SNCAIP: variants seen among roughly 807,000 people sequenced by gnomAD.
The protein encoded by SNCAIP is synuclein alpha interacting protein.
Under a neutral mutation model 86.7 loss-of-function variants are expected in SNCAIP, and 43 were observed. That is an observed-to-expected ratio of 0.50 (90% confidence interval 0.39 to 0.64). The LOEUF (loss-of-function observed/expected upper bound fraction) is 0.64, where lower values mean the gene tolerates loss of function less well. SNCAIP is among the 30% of genes least tolerant of loss of function. The pLI is 0.00. For missense variants in SNCAIP, 981 were observed against 1,103.1 expected (o/e 0.89, Z 1.57); for synonymous variants, 417 against 427.2 (o/e 0.98, Z 0.29).
rs141757714 is a variant in SNCAIP, at chr5:122,411,403, AT to A, written c.130+7541del. Among the ~76,000 whole-genome samples, 26 of 152,196 alleles carry A rather than the reference AT, an allele frequency of 1.7e-4. No individual in the cohort carries two copies. The East Asian group carries it at 5.0e-3, about 29-fold the overall frequency. The stretch of plus-strand genomic sequence containing the variant: ...AAAGTATGAGTGTGTGTTGAGGGAC[AT>A]TTCTAGTTTAGGAGCTTCTGTTATA... On this transcript the variant is annotated intron_variant, in intron 3 of 10. Transcript: ENST00000261368.
chr5:122,430,661 G>A (rs920637955), intron 5 of SNCAIP, among the ~76,000 whole-genome samples: 70 of 152,206 alleles, frequency 4.6e-4, no homozygotes, highest in African/African-American at 1.4e-3. Flanking sequence ...CTACAGACAT[G>A]TATGGACTAT....
intron 1 of SNCAIP, among the ~76,000 whole-genome samples, chr5:122,334,834 T>G (rs1449322373): frequency 6.6e-6 from 1 of 152,238 alleles, no homozygotes; most frequent in East Asian, 1.9e-4. Context: ...AACCACTGAT[T>G]TTGGATAAGT....
Position 122,450,950 on chromosome 5 carries a change from G to T in SNCAIP, c.2103G>T (p.Pro701=), listed in dbSNP as rs561046705. The part of the protein sequence containing the change: ...TPVRKADRPR[P]QPIVESVESM... Reference sequence around the variant, plus strand: ...TGAGGAAGGCTGACCGACCAAGGCCGCAGCCCATTGTAGAAAGCGTAGAGA... The same window carrying T: ...TGAGGAAGGCTGACCGACCAAGGCCTCAGCCCATTGTAGAAAGCGTAGAGA... Residue 701 remains proline (P), a synonymous_variant, in exon 10 of 11, where the codon CCG becomes CCT. Coordinates refer to ENST00000261368, the MANE Select transcript of SNCAIP (RefSeq NM_005460.4). 1.1e-5 allele frequency: 17 copies of T among 1,614,096 alleles called. No individual in the cohort carries two copies. Among genetic ancestry groups the T allele is most frequent in the Non-Finnish European group, 1.4e-5 (17 of 1,180,016 alleles).
intron 8 of SNCAIP, among the ~76,000 whole-genome samples, chr5:122,447,868 A>T (rs561661449): frequency 4.5e-4 from 68 of 152,230 alleles, no homozygotes; most frequent in Non-Finnish European, 8.4e-4. Context: ...CACAGCCTAA[A>T]ATATTTACTA....
At chr5:122,425,556 C>G (rs773403061) in intron 5 of SNCAIP, 25 bp downstream of exon 5, 113 of 1,592,554 alleles carry the variant, frequency 7.1e-5, no homozygotes, top group Admixed American at 3.3e-5. Context: ...GCTGGAACCT[C>G]CACAGCTAGA....
intron 1 of SNCAIP, among the ~76,000 whole-genome samples, chr5:122,320,917 A>G (rs1048180195): frequency 2.6e-5 from 4 of 152,194 alleles, no homozygotes; most frequent in African/African-American, 4.8e-5. Context: ...AGCACAACTC[A>G]GAAAGCAAAT....
chr5:122,408,422 C>A (rs971063739), intron 3 of SNCAIP, among the ~76,000 whole-genome samples: 5 of 152,124 alleles, frequency 3.3e-5, no homozygotes, highest in African/African-American at 1.2e-4. Context: ...TAGTGGTGGG[C>A]TCCAAGAATG....
intron 3 of SNCAIP, among the ~76,000 whole-genome samples, chr5:122,420,010 C>G (rs1561720412): frequency 6.6e-6 from 1 of 152,090 alleles, no homozygotes; most frequent in Non-Finnish European, 1.5e-5. Context: ...TATGATATAG[C>G]AATACATTGG....
chr5:122,332,596 CTAGAG>C (rs1419169372), intron 1 of SNCAIP, among the ~76,000 whole-genome samples: 1 of 152,192 alleles, frequency 6.6e-6, no homozygotes, highest in Admixed American at 6.5e-5. Flanking sequence ...ATGACAAGAC[CTAGAG>C]CTGTAGCTAA....
In SNCAIP at chr5:122,420,298, C is replaced by T. The variant is rs561008515; in HGVS notation, c.131-2570C>T. Among the ~76,000 whole-genome samples, 3 of 152,312 alleles carry T rather than the reference C, an allele frequency of 2.0e-5. No homozygotes were observed. In the South Asian group the frequency reaches 6.2e-4, roughly 32 times the overall value. On this transcript the variant is annotated intron_variant, in intron 3 of 10. Coordinates refer to ENST00000261368, the MANE Select transcript of SNCAIP (RefSeq NM_005460.4). Reference sequence around the variant, plus strand: ...CTGTCAGAACAAAACAGCTGGGAAACATATGGTATCCATTTCCCTGTATCA... The same window carrying T: ...CTGTCAGAACAAAACAGCTGGGAAATATATGGTATCCATTTCCCTGTATCA...
At chr5:122,329,402 A>G (rs1436712325) in intron 1 of SNCAIP, among the ~76,000 whole-genome samples, 2 of 152,216 alleles carry the variant, frequency 1.3e-5, no homozygotes, top group African/African-American at 4.8e-5. Flanking sequence ...GTGTCTCCCA[A>G]TATCGAAACA....
intron 1 of SNCAIP, among the ~76,000 whole-genome samples, chr5:122,377,090 C>G (rs996688239): frequency 1.3e-5 from 2 of 152,138 alleles, no homozygotes; most frequent in Non-Finnish European, 1.5e-5. Context: ...GATATGTCCT[C>G]CAAGATTTAC....
chr5:122,374,073 T>G (rs947022973), intron 1 of SNCAIP, among the ~76,000 whole-genome samples: 1 of 152,152 alleles, frequency 6.6e-6, no homozygotes, highest in Admixed American at 6.6e-5. Context: ...ATGGGAAAAT[T>G]TTTTTCGTTC....
chr5:122,442,107 G>C (rs1415566747), intron 7 of SNCAIP, among the ~76,000 whole-genome samples: 1 of 120,914 alleles, frequency 8.3e-6, no homozygotes, highest in African/African-American at 3.1e-5. Context: ...TAAGAAAGCA[G>C]TACTCTTTTT....
chr5:122,322,884 T>C (rs1753258952), intron 1 of SNCAIP, among the ~76,000 whole-genome samples: 1 of 152,230 alleles, frequency 6.6e-6, no homozygotes, highest in East Asian at 1.9e-4. Flanking sequence ...GGAATGCTGC[T>C]TTCATTTGGG....
chr5:122,413,709 T>C (rs926165180), intron 3 of SNCAIP, among the ~76,000 whole-genome samples: 1 of 152,016 alleles, frequency 6.6e-6, no homozygotes, highest in African/African-American at 2.4e-5. Context: ...CTGACCATGC[T>C]TTGTATTCCT....
At chr5:122,434,985 C>A (rs1217101397) in intron 6 of SNCAIP, among the ~76,000 whole-genome samples, 1 of 152,110 alleles carries the variant, frequency 6.6e-6, no homozygotes, top group Non-Finnish European at 1.5e-5. Flanking sequence ...ATATAGATTC[C>A]TAAAGAATGG....
At chr5:122,402,557 T>G (rs1292735100) in intron 2 of SNCAIP, among the ~76,000 whole-genome samples, 1 of 151,928 alleles carries the variant, frequency 6.6e-6, no homozygotes, top group African/African-American at 2.4e-5. Flanking sequence ...GTTTGTGACA[T>G]GCGGTTGGCA....
chr5:122,365,047 C>A (rs1229566602), intron 1 of SNCAIP, among the ~76,000 whole-genome samples: 5 of 152,134 alleles, frequency 3.3e-5, no homozygotes, highest in Non-Finnish European at 5.9e-5. Context: ...AAAGAATCTG[C>A]CATCTGTATT....
Sources: allele counts gnomAD v4.1 joint callset (sites outside exome capture counted in the v4.1 genomes callset), GRCh38; gene constraint gnomAD v4.1.1; transcripts MANE v1.5; gene names NCBI Gene and HGNC (gene_info 2026-07-23, HGNC 2026-07-21).